The following TIAM1 variants were observed in gnomAD, a reference collection of about 807,000 sequenced individuals.
The protein encoded by TIAM1 is rho guanine nucleotide exchange factor TIAM1.
A neutral mutation model predicts 163.5 loss-of-function variants in TIAM1; 65 were observed. The ratio of observed to expected loss-of-function variants is 0.40; its 90% CI spans 0.33 to 0.49. The LOEUF (loss-of-function observed/expected upper bound fraction) is 0.49, where lower values mean the gene tolerates loss of function less well. TIAM1 is among the 20% of genes least tolerant of loss of function. TIAM1 has a pLI of 0.77. For synonymous variants in TIAM1, 833 were observed against 810.1 expected (o/e 1.03, Z -0.48); for missense variants, 1,789 against 2,044.7 (o/e 0.87, Z 2.41).
intron 2 of TIAM1, among the ~76,000 whole-genome samples, chr21:31,326,313 T>G (rs2075486809): frequency 6.6e-6 from 1 of 152,224 alleles, no homozygotes; most frequent in Non-Finnish European, 1.5e-5. Flanking sequence ...CCAGCTCACC[T>G]GAGAGACTTT....
rs1179469722 is a variant in TIAM1 at position 31,120,721 on chromosome 21, G to C, written c.4423C>G (p.Pro1475Ala). ...SSPEKESQQPPGGGDTDRWVE... is the reference protein window; with the variant it reads ...SSPEKESQQPAGGGDTDRWVE... ...CATCGGTCAGTGTCCCCACCACCGG[G>C]GGGCTGCTGGGACTCTTTCTCCGGG... Residue 1475 changes from proline (P) to alanine (A), a missense_variant, in exon 28 of 28, where the codon CCC (proline) becomes GCC (alanine). Transcript: ENST00000541036. The surrounding 1 kb of genome is among the most constrained non-coding windows in gnomAD (Gnocchi z 4.2). 1.9e-6 allele frequency: 3 copies of C among 1,613,910 alleles called. No homozygotes were observed. Among genetic ancestry groups the C allele is most frequent in the African/African-American group, 2.7e-5 (2 of 74,886 alleles).
chr21:31,400,218 C>G (rs141601746), intron 2 of TIAM1, among the ~76,000 whole-genome samples: 4 of 152,038 alleles, frequency 2.6e-5, no homozygotes, highest in African/African-American at 7.2e-5. Flanking sequence ...ACCTCCACCC[C>G]CTGGGTTCAA....
intron 4 of TIAM1, among the ~76,000 whole-genome samples, chr21:31,260,326 C>T (rs2146788900): frequency 6.6e-6 from 1 of 151,240 alleles, no homozygotes; most frequent in South Asian, 2.1e-4. Context: ...CAACCTCCAC[C>T]TCCTGGGTTC....
At chr21:31,558,010 G>T (rs367735000) in intron 1 of TIAM1, among the ~76,000 whole-genome samples, 1 of 152,142 alleles carries the variant, frequency 6.6e-6, no homozygotes, top group African/African-American at 2.4e-5. Context: ...CCCGCGGCCG[G>T]GGGGAGGGGG....
At chr21:31,153,724 T>C (rs201226785) in intron 17 of TIAM1, among the ~76,000 whole-genome samples, 28,713 of 151,634 alleles carry the variant, frequency 0.19, 2,902 homozygotes, top group African/African-American at 0.25. Context: ...TATATATATA[T>C]ATATAAATGA....
intron 2 of TIAM1, among the ~76,000 whole-genome samples, chr21:31,304,454 C>T (rs949552107): frequency 2.0e-5 from 3 of 152,146 alleles, no homozygotes; most frequent in Admixed American, 6.5e-5. Context: ...GGAAAAGCTG[C>T]TTTTAAGAAA....
intron 1 of TIAM1, among the ~76,000 whole-genome samples, chr21:31,522,627 A>G (rs939672207): frequency 6.6e-6 from 1 of 152,216 alleles, no homozygotes; most frequent in Non-Finnish European, 1.5e-5. Flanking sequence ...GCTGGGCCTC[A>G]GGCTTCCCAT....
intron 1 of TIAM1, among the ~76,000 whole-genome samples, chr21:31,503,281 G>A (rs2046907983): frequency 2.0e-5 from 3 of 151,528 alleles, no homozygotes; most frequent in African/African-American, 7.3e-5. Flanking sequence ...CGTAATCCCA[G>A]CTACTCAGGA....
chr21:31,363,689 TTC>T (rs2076447726), intron 2 of TIAM1, among the ~76,000 whole-genome samples: 2 of 152,132 alleles, frequency 1.3e-5, no homozygotes, highest in South Asian at 4.2e-4. Context: ...TCTTAGATTT[TTC>T]TCTCTTCTGT....
intron 15 of TIAM1, among the ~76,000 whole-genome samples, chr21:31,176,442 G>A (rs937295925): frequency 6.6e-6 from 1 of 151,714 alleles, no homozygotes; most frequent in African/African-American, 2.4e-5. Flanking sequence ...CAAAACAGAT[G>A]AAAGTAGCTC....
intron 1 of TIAM1, among the ~76,000 whole-genome samples, chr21:31,535,710 C>T (rs2048110192): frequency 6.6e-6 from 1 of 151,390 alleles, no homozygotes; most frequent in Non-Finnish European, 1.5e-5. Context: ...AGAGCTCAGA[C>T]ACACTCTATA....
At chr21:31,407,700 A>G (rs1325864039) in intron 2 of TIAM1, among the ~76,000 whole-genome samples, 4 of 143,206 alleles carry the variant, frequency 2.8e-5, no homozygotes, top group African/African-American at 1.1e-4. Flanking sequence ...CAGTGGTGCA[A>G]TCTTGGCTTG....
At chr21:31,196,477 A>ATTTTTTTT in intron 12 of TIAM1, among the ~76,000 whole-genome samples, 2 of 111,392 alleles carry the variant, frequency 1.8e-5, no homozygotes, top group African/African-American at 1.2e-4. Context: ...ACATCTGGCT[A>ATTTTTTTT]ATTTTTTTTT....
intron 2 of TIAM1, among the ~76,000 whole-genome samples, chr21:31,394,269 A>G (rs939158554): frequency 6.6e-6 from 1 of 152,234 alleles, no homozygotes; most frequent in Non-Finnish European, 1.5e-5. Flanking sequence ...TACACACTGT[A>G]TGACTCCAAC....
At chr21:31,135,795 G>A in intron 23 of TIAM1, 138 bp downstream of exon 23, 1 of 748,692 alleles carries the variant, frequency 1.3e-6, no homozygotes, top group South Asian at 1.8e-5. Context: ...AGATGTTGGT[G>A]GCTACGGCAG....
intron 2 of TIAM1, among the ~76,000 whole-genome samples, chr21:31,283,835 C>T (rs111800587): frequency 0.018 from 2,759 of 152,230 alleles, 99 homozygotes; most frequent in African/African-American, 0.062. Context: ...AGTCACCGCG[C>T]CCATCCCCTT....
rs185251694 is a variant in TIAM1, at chr21:31,379,604, C to T, written c.-368-40182G>A. Among the ~76,000 whole-genome samples, 1,076 of 151,470 alleles carry T rather than the reference C, an allele frequency of 7.1e-3. 11 individuals are homozygous for T. The highest frequency in any genetic ancestry group is 0.025 in the African/African-American group (1,039 of 41,344). On this transcript the variant is annotated intron_variant, in intron 2 of 28. Transcript: ENST00000286827. ...TTCGTAGCAGCATTAGCTGTTATGG[C>T]CAAAAAGAAAAATAACCCAAATGTC... is the stretch of plus-strand genomic sequence containing the variant.
chr21:31,397,879 G>T (rs1193996438), intron 2 of TIAM1, among the ~76,000 whole-genome samples: 1 of 152,200 alleles, frequency 6.6e-6, no homozygotes, highest in Non-Finnish European at 1.5e-5. Context: ...ACCATTTACA[G>T]ATAACAAAGG....
At chr21:31,133,795 C>T (rs549953693) in intron 23 of TIAM1, among the ~76,000 whole-genome samples, 5 of 152,190 alleles carry the variant, frequency 3.3e-5, no homozygotes, top group African/African-American at 4.8e-5. Flanking sequence ...GAGGGTCGGG[C>T]GCGGTGGCTC....
Sources: gnomAD v4.1 joint callset for allele counts (sites outside exome capture counted in the v4.1 genomes callset) on GRCh38, gnomAD v4.1.1 for gene constraint, Gnocchi (gnomAD v3.1) non-coding constraint, MANE v1.5 for transcripts, NCBI Gene and HGNC (gene_info 2026-07-23, HGNC 2026-07-21) for gene names.